GPM6A: variants seen among roughly 807,000 people sequenced by gnomAD.
GPM6A encodes the protein neuronal membrane glycoprotein M6-a.
A neutral mutation model predicts 32.1 loss-of-function variants in GPM6A; 7 were observed. The observed-to-expected ratio is 0.22, with a 90% CI of 0.12 to 0.41. GPM6A has a LOEUF of 0.41. Among genes scored for constraint, GPM6A ranks in the 10% least tolerant of loss-of-function variants. GPM6A has a pLI of 1.00. For missense variants in GPM6A, 235 were observed against 347.2 expected (o/e 0.68, Z 2.57); for synonymous variants, 130 against 123.4 (o/e 1.05, Z -0.35).
rs149527208 is a variant in GPM6A at position 175,924,574 on chromosome 4, T to C, written c.-23+77735A>G. Among the ~76,000 whole-genome samples, 20 of 152,214 alleles carry C rather than the reference T, an allele frequency of 1.3e-4. No homozygotes were observed. The East Asian group carries it at 3.3e-3, about 25-fold the overall frequency. ...GAAGCCTGAGGCCAAGTGGGATGGC[T>C]CAAGCCTGTAATCCCAGTACTTTGG... On this transcript the variant is annotated intron_variant, in intron 1 of 7. Transcript: ENST00000280187.
rs758808847 is a variant in GPM6A, at chr4:175,640,164, C to A, written c.649G>T (p.Ala217Ser). 1 of 1,613,606 alleles carries A rather than the reference C, an allele frequency of 6.2e-7. No individual in the cohort carries two copies. The highest frequency in any genetic ancestry group is 8.5e-7 in the Non-Finnish European group (1 of 1,179,716). ...ACTGCTGCCCCAGCTCCAGCAAGTG[C>A]CACAATAAACAAGTGGAAGGTCATG... ...LNMTFHLFIVALAGAGAAVIA... is the reference protein window; with the variant it reads ...LNMTFHLFIVSLAGAGAAVIA... Residue 217 changes from alanine to serine, a missense_variant, in exon 6 of 7, where the codon GCA (alanine) becomes TCA (serine). Physicochemically the swap from Ala to Ser is moderately conservative, Grantham distance 99 (BLOSUM62 1). Transcript: ENST00000393658.
At chr4:175,659,322 C>T (rs913561802) in intron 3 of GPM6A, among the ~76,000 whole-genome samples, 12 of 152,034 alleles carry the variant, frequency 7.9e-5, no homozygotes, top group Non-Finnish European at 1.8e-4. Context: ...TCAGGCAATC[C>T]GCCCACCTTG....
At chr4:175,998,451 C>T (rs975510320) in intron 1 of GPM6A, among the ~76,000 whole-genome samples, 2 of 152,176 alleles carry the variant, frequency 1.3e-5, no homozygotes, top group Non-Finnish European at 2.9e-5. Context: ...CCACCGCACC[C>T]GGCCTTGCTA....
intron 1 of GPM6A, among the ~76,000 whole-genome samples, chr4:175,761,467 T>A (rs941534099): frequency 2.0e-5 from 3 of 152,218 alleles, no homozygotes; most frequent in Non-Finnish European, 4.4e-5. Flanking sequence ...GATGTCACAA[T>A]GTTACTATAA....
chr4:175,951,481 T>C (rs1016318469), intron 1 of GPM6A, among the ~76,000 whole-genome samples: 4 of 152,174 alleles, frequency 2.6e-5, no homozygotes, highest in Admixed American at 2.6e-4. Flanking sequence ...CTGGATTCCA[T>C]CCTCATTACC....
At chr4:175,876,892 G>A (rs1314916407) in intron 1 of GPM6A, among the ~76,000 whole-genome samples, 1 of 152,176 alleles carries the variant, frequency 6.6e-6, no homozygotes, top group Non-Finnish European at 1.5e-5. Context: ...GAAACAACAA[G>A]ATTATAGCTA....
intron 1 of GPM6A, among the ~76,000 whole-genome samples, chr4:175,952,960 G>A (rs560413037): frequency 3.3e-5 from 5 of 151,322 alleles, no homozygotes; most frequent in Admixed American, 3.3e-4. Flanking sequence ...ACCCCAGTGG[G>A]TAGAGGCTGC....
chr4:175,897,369 C>T (rs1205871233), intron 1 of GPM6A, among the ~76,000 whole-genome samples: 4 of 152,100 alleles, frequency 2.6e-5, no homozygotes, highest in African/African-American at 7.2e-5. Flanking sequence ...CAGTGCCTCC[C>T]ATTGATGGAA....
At chr4:175,933,196 T>C (rs1219222365) in intron 1 of GPM6A, among the ~76,000 whole-genome samples, 2 of 151,630 alleles carry the variant, frequency 1.3e-5, no homozygotes, top group Non-Finnish European at 2.9e-5. Flanking sequence ...CCATTAAAAA[T>C]GGGCAAAAGG....
chr4:175,974,559 G>C, intron 1 of GPM6A, among the ~76,000 whole-genome samples: 1 of 141,326 alleles, frequency 7.1e-6, no homozygotes, highest in Admixed American at 6.8e-5. Flanking sequence ...TATGTCAACT[G>C]TCTGTTTAAA....
intron 1 of GPM6A, among the ~76,000 whole-genome samples, chr4:175,979,272 A>T (rs1174087276): frequency 6.6e-6 from 1 of 151,522 alleles, no homozygotes; most frequent in Non-Finnish European, 1.5e-5. Context: ...CTGAATATTT[A>T]ATCACCATAC....
At chr4:175,829,650 TATA>T (rs1735546245) in intron 1 of GPM6A, among the ~76,000 whole-genome samples, 2 of 522 alleles carry the variant, frequency 3.8e-3, no homozygotes, top group South Asian at 0.5. Context: ...ATTTATGTAA[TATA>T]TATATATATA....
At chr4:175,872,492 A>T (rs1736943237) in intron 1 of GPM6A, among the ~76,000 whole-genome samples, 1 of 152,254 alleles carries the variant, frequency 6.6e-6, no homozygotes, top group Non-Finnish European at 1.5e-5. Context: ...AGTATGCATA[A>T]CTAAGGCAAA....
At chr4:175,858,045 T>G (rs1038670002) in intron 1 of GPM6A, among the ~76,000 whole-genome samples, 5 of 152,108 alleles carry the variant, frequency 3.3e-5, no homozygotes, top group African/African-American at 1.2e-4. Flanking sequence ...TACAAACTAT[T>G]GCCAAGAGAA....
intron 3 of GPM6A, among the ~76,000 whole-genome samples, chr4:175,665,400 A>T (rs1199048733): frequency 6.6e-6 from 1 of 152,122 alleles, no homozygotes; most frequent in Non-Finnish European, 1.5e-5. Flanking sequence ...CGTGTAACAG[A>T]TCCTTAAAAA....
At chr4:175,900,260 C>G (rs1194595482) in intron 1 of GPM6A, among the ~76,000 whole-genome samples, 15 of 128,148 alleles carry the variant, frequency 1.2e-4, no homozygotes, top group African/African-American at 4.5e-4. Context: ...GTGACAAGAG[C>G]AAGACTCTGT....
chr4:175,844,694 G>A (rs547291428), intron 1 of GPM6A, among the ~76,000 whole-genome samples: 22 of 152,240 alleles, frequency 1.4e-4, no homozygotes, highest in Middle Eastern at 3.4e-3. Flanking sequence ...ATGAAAAGAA[G>A]GTTAAAGAAG....
chr4:175,825,467 T>C (rs1297008084), intron 1 of GPM6A, among the ~76,000 whole-genome samples: 2 of 152,118 alleles, frequency 1.3e-5, no homozygotes, highest in African/African-American at 4.8e-5. Context: ...CTCGCTCCCA[T>C]GGTCTTTAGA....
chr4:175,977,838 G>T (rs1740704306), intron 1 of GPM6A, among the ~76,000 whole-genome samples: 1 of 152,070 alleles, frequency 6.6e-6, no homozygotes, highest in Non-Finnish European at 1.5e-5. Context: ...TAATCAAATG[G>T]CAGAAAGAAA....
Sources: allele counts gnomAD v4.1 joint callset (sites outside exome capture counted in the v4.1 genomes callset), GRCh38; gene constraint gnomAD v4.1.1; transcripts MANE v1.5; gene names NCBI Gene and HGNC (gene_info 2026-07-23, HGNC 2026-07-21).